Variants in CNTNAP2 observed in about 807,000 individuals in gnomAD.
CNTNAP2 encodes contactin associated protein 2.
A neutral mutation model predicts 155.2 loss-of-function variants in CNTNAP2; 98 were observed. The observed-to-expected ratio is 0.63, with a 90% CI of 0.54 to 0.75. CNTNAP2 has a LOEUF of 0.75. Among genes scored for constraint, CNTNAP2 ranks in the 30% least tolerant of loss-of-function variants. The pLI is 0.00. For missense variants in CNTNAP2, 1,727 were observed against 1,688.1 expected (o/e 1.02, Z -0.40); for synonymous variants, 651 against 631.2 (o/e 1.03, Z -0.47).
At chr7:148,038,003 C>T (rs958720093) in intron 15 of CNTNAP2, among the ~76,000 whole-genome samples, 3 of 152,100 alleles carry the variant, frequency 2.0e-5, no homozygotes, top group Admixed American at 2.0e-4. Context: ...ACATATTTCC[C>T]ATGGATAAGG....
intron 1 of CNTNAP2, among the ~76,000 whole-genome samples, chr7:146,376,863 T>C (rs1344664470): frequency 6.6e-6 from 1 of 152,120 alleles, no homozygotes; most frequent in Non-Finnish European, 1.5e-5. Context: ...TTTGCCCTTC[T>C]GCCTTTTCCA....
intron 1 of CNTNAP2, among the ~76,000 whole-genome samples, chr7:146,651,020 A>ATTT (rs879889006): frequency 6.8e-6 from 1 of 146,602 alleles, no homozygotes; most frequent in Non-Finnish European, 1.5e-5. Flanking sequence ...AACATAGTGA[A>ATTT]TTTTTTTTTT....
intron 1 of CNTNAP2, among the ~76,000 whole-genome samples, chr7:146,724,762 C>T (rs1310112198): frequency 6.6e-6 from 1 of 151,390 alleles, no homozygotes; most frequent in Admixed American, 6.6e-5. Flanking sequence ...GTAGCGACAG[C>T]GTTTCACTGT....
intron 17 of CNTNAP2, among the ~76,000 whole-genome samples, chr7:148,168,619 A>G (rs1029820395): frequency 5.9e-5 from 9 of 151,524 alleles, no homozygotes; most frequent in South Asian, 2.1e-4. Context: ...GTTAAATGAC[A>G]AGTTAATGGG....
intron 3 of CNTNAP2, among the ~76,000 whole-genome samples, chr7:146,932,825 C>T (rs1796807570): frequency 6.6e-6 from 1 of 152,000 alleles, no homozygotes; most frequent in African/African-American, 2.4e-5. Context: ...CATGTGTGAA[C>T]TCCCATTCAC....
chr7:146,275,091 G>T (rs187459170), intron 1 of CNTNAP2, among the ~76,000 whole-genome samples: 23 of 152,206 alleles, frequency 1.5e-4, no homozygotes, highest in Non-Finnish European at 2.8e-4. Context: ...TGAATATGAA[G>T]ATAATACGCA....
chr7:147,707,427 CTG>C (rs2117011612), intron 13 of CNTNAP2, among the ~76,000 whole-genome samples: 1 of 152,296 alleles, frequency 6.6e-6, no homozygotes, highest in South Asian at 2.1e-4. Context: ...ACTGCAGTGT[CTG>C]TGATTTCCTC....
intron 1 of CNTNAP2, among the ~76,000 whole-genome samples, chr7:146,649,339 A>G (rs542483398): frequency 6.6e-6 from 1 of 152,240 alleles, no homozygotes; most frequent in African/African-American, 2.4e-5. Context: ...CTTCTGCAGT[A>G]TATCTTGATA....
chr7:148,222,010 C>T (rs1001144770), intron 19 of CNTNAP2, among the ~76,000 whole-genome samples: 1 of 152,332 alleles, frequency 6.6e-6, no homozygotes, highest in African/African-American at 2.4e-5. Context: ...AGGCCACCTG[C>T]CCAGTGACTC....
At chr7:146,887,289 C>T (rs372108434) in intron 3 of CNTNAP2, among the ~76,000 whole-genome samples, 6 of 151,866 alleles carry the variant, frequency 4.0e-5, no homozygotes, top group African/African-American at 7.3e-5. Flanking sequence ...GCTGGGATTA[C>T]GGGCGCCCAC....
intron 1 of CNTNAP2, among the ~76,000 whole-genome samples, chr7:146,661,400 C>G (rs1800085025): frequency 1.3e-5 from 2 of 151,994 alleles, no homozygotes; most frequent in Admixed American, 1.3e-4. Flanking sequence ...CCACTGCCCC[C>G]AAAAGGACCC....
At chr7:147,347,566 T>G (rs1177969987) in intron 9 of CNTNAP2, among the ~76,000 whole-genome samples, 2 of 150,598 alleles carry the variant, frequency 1.3e-5, no homozygotes, top group Non-Finnish European at 3.0e-5. Flanking sequence ...TCCAAAAGTT[T>G]CCTAACTTAC....
chr7:148,347,066 G>C (rs1327059589), intron 21 of CNTNAP2, among the ~76,000 whole-genome samples: 1 of 151,924 alleles, frequency 6.6e-6, no homozygotes, highest in Non-Finnish European at 1.5e-5. Flanking sequence ...AGACCAGCCT[G>C]GCCAACATGG....
At position 147,524,322 on chromosome 7, in the gene CNTNAP2, G is replaced by A. The variant is rs188866371; in HGVS notation, c.1778-37816G>A. On this transcript the variant is annotated intron_variant, in intron 11 of 23. Transcript: ENST00000361727. ...GGACAATTGCTTGAACCCGGGAGGC[G>A]GAGGTTGCGGTGAGCCGAGATCACA... is the stretch of plus-strand genomic sequence containing the variant. Among the ~76,000 whole-genome samples the A allele has an allele frequency of 1.4e-3, 214 of 151,508 alleles. 1 individual carries two copies. The highest frequency in any genetic ancestry group is 2.4e-3 in the Non-Finnish European group (165 of 67,826).
intron 1 of CNTNAP2, among the ~76,000 whole-genome samples, chr7:146,394,233 G>C (rs189640904): frequency 6.6e-6 from 1 of 152,268 alleles, no homozygotes; most frequent in African/African-American, 2.4e-5. Flanking sequence ...GGAAAGAAAA[G>C]TAGAGACCTG....
At chr7:146,546,826 A>G (rs1423234964) in intron 1 of CNTNAP2, among the ~76,000 whole-genome samples, 1 of 151,896 alleles carries the variant, frequency 6.6e-6, no homozygotes, top group Non-Finnish European at 1.5e-5. Context: ...ACTCACTATC[A>G]CAAGAACAGC....
rs530049472 is a variant in CNTNAP2, at chr7:147,358,924, CG to C, written c.1499-36683del. 4.6e-5 allele frequency among the ~76,000 whole-genome samples: 7 copies of C among 152,130 alleles called. No homozygotes were observed. In the East Asian group the frequency reaches 1.4e-3, roughly 29 times the overall value. ...TAAAGCTGAGCTCACAAGTCAAAAC[CG>C]GCCTGCAGACATACGGTTTTGGGCA... On this transcript the variant is annotated intron_variant, in intron 9 of 23. Transcript: ENST00000361727.
chr7:148,090,765 G>A (rs572035606), intron 15 of CNTNAP2, among the ~76,000 whole-genome samples: 129 of 152,180 alleles, frequency 8.5e-4, no homozygotes, highest in African/African-American at 2.9e-3. Flanking sequence ...CAAAGGAAAT[G>A]AAATTAGTAT....
At chr7:147,885,915 C>CATGA (rs1403504539) in intron 13 of CNTNAP2, among the ~76,000 whole-genome samples, 1 of 152,202 alleles carries the variant, frequency 6.6e-6, no homozygotes, top group Non-Finnish European at 1.5e-5. Context: ...CTAAGTTCTG[C>CATGA]ATGAACTGTG....
Sources: gnomAD v4.1 joint callset for allele counts (sites outside exome capture counted in the v4.1 genomes callset) on GRCh38, gnomAD v4.1.1 for gene constraint, MANE v1.5 for transcripts, NCBI Gene and HGNC (gene_info 2026-07-23, HGNC 2026-07-21) for gene names.